The following ST6GALNAC5 variants were observed in gnomAD, a reference collection of about 807,000 sequenced individuals.
The protein encoded by ST6GALNAC5 is ST6 N-acetylgalactosaminide alpha-2,6-sialyltransferase 5.
A neutral mutation model predicts 33.6 loss-of-function variants in ST6GALNAC5; 27 were observed. The observed-to-expected ratio is 0.80, with a 90% confidence interval of 0.59 to 1.11. The LOEUF is 1.11. ST6GALNAC5 is among the 50% of genes least tolerant of loss of function. ST6GALNAC5 has a pLI of 0.00. For synonymous variants in ST6GALNAC5, 194 were observed against 171.2 expected, an observed-to-expected ratio of 1.13 and a Z score of -1.04; for missense variants, 428 against 454.0, an observed-to-expected ratio of 0.94 and a Z score of 0.52.
intron 2 of ST6GALNAC5, among the ~76,000 whole-genome samples, chr1:76,953,497 G>A (rs1220374473): frequency 6.6e-6 from 1 of 152,048 alleles, no homozygotes; most frequent in Non-Finnish European, 1.5e-5. Context: ...GTTTCCTCAT[G>A]TCTTTTACCC....
chr1:77,036,423 A>G (rs564261372), intron 2 of ST6GALNAC5, among the ~76,000 whole-genome samples: 15 of 152,370 alleles, frequency 9.8e-5, no homozygotes, highest in African/African-American at 3.6e-4. Flanking sequence ...TTTGCAAATT[A>G]ATCTCAATAA....
intron 2 of ST6GALNAC5, among the ~76,000 whole-genome samples, chr1:76,965,919 A>G (rs1648452593): frequency 6.6e-6 from 1 of 152,050 alleles, no homozygotes; most frequent in Non-Finnish European, 1.5e-5. Flanking sequence ...ATGGTTGTAG[A>G]TGTGTGGTGT....
At chr1:76,960,699 G>A (rs928547887) in intron 2 of ST6GALNAC5, among the ~76,000 whole-genome samples, 3 of 152,184 alleles carry the variant, frequency 2.0e-5, no homozygotes, top group African/African-American at 7.2e-5. Context: ...TCTCAGGGAT[G>A]TTCCTTGCTG....
intron 2 of ST6GALNAC5, among the ~76,000 whole-genome samples, chr1:76,974,499 G>C (rs927576452): frequency 6.6e-5 from 10 of 151,666 alleles, no homozygotes; most frequent in African/African-American, 2.4e-4. Context: ...ACTGTGCCAG[G>C]CTTCTTTTGT....
At chr1:77,030,173 G>A (rs1385793848) in intron 2 of ST6GALNAC5, among the ~76,000 whole-genome samples, 2 of 152,160 alleles carry the variant, frequency 1.3e-5, no homozygotes, top group African/African-American at 4.8e-5. Context: ...ACCCATTCAT[G>A]TAGGTTTTCT....
intron 2 of ST6GALNAC5, among the ~76,000 whole-genome samples, chr1:76,897,892 T>C (rs1053715472): frequency 5.3e-5 from 8 of 152,264 alleles, no homozygotes; most frequent in East Asian, 1.9e-4. Flanking sequence ...GAAACAGGCC[T>C]TTGAAAAGAA....
intron 2 of ST6GALNAC5, among the ~76,000 whole-genome samples, chr1:76,986,138 A>G (rs80032897): frequency 0.36 from 54,906 of 151,948 alleles, 11,316 homozygotes; most frequent in Non-Finnish European, 0.45. Flanking sequence ...GATGGTAACA[A>G]AAGCCAAAAG....
chr1:76,983,275 T>A (rs572706888), intron 2 of ST6GALNAC5, among the ~76,000 whole-genome samples: 17 of 152,202 alleles, frequency 1.1e-4, no homozygotes, highest in African/African-American at 3.6e-4. Context: ...CCATCTCACA[T>A]GCAAAGACTC....
chr1:77,037,896 C>G (rs1475228774), intron 2 of ST6GALNAC5, among the ~76,000 whole-genome samples: 4 of 152,242 alleles, frequency 2.6e-5, no homozygotes, highest in Admixed American at 2.6e-4. Context: ...AAAGAGGTAT[C>G]AAGAAAGATC....
chr1:76,932,613 G>GAAAT (rs1647156008), intron 2 of ST6GALNAC5, among the ~76,000 whole-genome samples: 1 of 152,034 alleles, frequency 6.6e-6, no homozygotes, highest in South Asian at 2.1e-4. Context: ...ATATCATTAT[G>GAAAT]AAATCTCCCT....
At chr1:76,914,515 A>G (rs973804874) in intron 2 of ST6GALNAC5, among the ~76,000 whole-genome samples, 6 of 152,188 alleles carry the variant, frequency 3.9e-5, no homozygotes, top group African/African-American at 9.7e-5. Flanking sequence ...GGAACACAAC[A>G]GAGCCCTCAG....
At chr1:76,992,411 C>A (rs1649772116) in intron 2 of ST6GALNAC5, among the ~76,000 whole-genome samples, 1 of 152,158 alleles carries the variant, frequency 6.6e-6, no homozygotes, top group South Asian at 2.1e-4. Context: ...AGAGGCCTTC[C>A]TGCCTCCAAA....
At chr1:76,954,042 C>A (rs947791180) in intron 2 of ST6GALNAC5, among the ~76,000 whole-genome samples, 15 of 152,070 alleles carry the variant, frequency 9.9e-5, no homozygotes, top group African/African-American at 3.4e-4. Flanking sequence ...GGCTCCAGCA[C>A]TTTATTGGTT....
At chr1:76,958,136 G>T (rs900222532) in intron 2 of ST6GALNAC5, among the ~76,000 whole-genome samples, 2 of 152,152 alleles carry the variant, frequency 1.3e-5, no homozygotes, top group Non-Finnish European at 2.9e-5. Context: ...CGTTTGCTCT[G>T]CTGGTCATGA....
At chr1:76,923,291 AAGG>A (rs1286039356) in intron 2 of ST6GALNAC5, among the ~76,000 whole-genome samples, 1 of 151,924 alleles carries the variant, frequency 6.6e-6, no homozygotes, top group African/African-American at 2.4e-5. Context: ...GAAAAAAAAA[AAGG>A]AGTGAGTGGA....
At chr1:77,048,770 C>T (rs199707) in intron 3 of ST6GALNAC5, among the ~76,000 whole-genome samples, 58,230 of 152,050 alleles carry the variant, frequency 0.38, 11,911 homozygotes, top group African/African-American at 0.52. Context: ...TGTCAACGTA[C>T]CAACATACCA....
intron 2 of ST6GALNAC5, among the ~76,000 whole-genome samples, chr1:76,912,877 G>T (rs929196835): frequency 1.3e-5 from 2 of 151,914 alleles, no homozygotes; most frequent in Non-Finnish European, 2.9e-5. Context: ...TATCCAATTT[G>T]CCAGTCTGTG....
chr1:76,940,328 T>G (rs1647303314), intron 2 of ST6GALNAC5, among the ~76,000 whole-genome samples: 1 of 152,070 alleles, frequency 6.6e-6, no homozygotes, highest in African/African-American at 2.4e-5. Flanking sequence ...TTATCATTAT[T>G]AGGCCCTGAG....
intron 2 of ST6GALNAC5, among the ~76,000 whole-genome samples, chr1:77,029,351 G>A (rs1307331151): frequency 6.6e-6 from 1 of 152,172 alleles, no homozygotes; most frequent in Non-Finnish European, 1.5e-5. Context: ...CAAAAAAGTG[G>A]GAGGTTCTAC....
Sources: gnomAD v4.1 joint callset for allele counts (sites outside exome capture counted in the v4.1 genomes callset) on GRCh38, gnomAD v4.1.1 for gene constraint, MANE v1.5 for transcripts, NCBI Gene and HGNC (gene_info 2026-07-23, HGNC 2026-07-21) for gene names.